The following CCSER1 variants were observed in gnomAD, a reference collection of about 807,000 sequenced individuals.
CCSER1 encodes serine-rich coiled-coil domain-containing protein 1.
CCSER1 carries 41 observed loss-of-function variants against 82.0 expected under a neutral mutation model. The ratio of observed to expected loss-of-function variants is 0.50; its 90% CI spans 0.39 to 0.65. The LOEUF is 0.65. Ranked by LOEUF, CCSER1 falls within the 30% of genes least tolerant of loss-of-function variation. The pLI, the probability that CCSER1 is intolerant of heterozygous loss-of-function variation, is 0.00. For synonymous variants in CCSER1, 414 were observed against 383.9 expected (o/e 1.08, Z -0.92); for missense variants, 1,119 against 1,064.2 (o/e 1.05, Z -0.72).
At chr4:90,184,915 G>A (rs1045933487) in intron 1 of CCSER1, among the ~76,000 whole-genome samples, 1 of 152,138 alleles carries the variant, frequency 6.6e-6, no homozygotes, top group African/African-American at 2.4e-5. Context: ...TACATAGTTG[G>A]ATACAAAAGA....
At chr4:90,399,165 A>C (rs554444531) in intron 3 of CCSER1, among the ~76,000 whole-genome samples, 2 of 152,202 alleles carry the variant, frequency 1.3e-5, no homozygotes, top group East Asian at 3.9e-4. Flanking sequence ...ACCCATTTAT[A>C]TATATACAAA....
At chr4:90,445,689 G>A (rs1307341778) in intron 4 of CCSER1, among the ~76,000 whole-genome samples, 3 of 152,086 alleles carry the variant, frequency 2.0e-5, no homozygotes, top group African/African-American at 7.2e-5. Flanking sequence ...CCTAGAAGAA[G>A]TTAAGAGAAG....
At chr4:91,509,144 G>A (rs1578654408) in intron 10 of CCSER1, among the ~76,000 whole-genome samples, 1 of 151,406 alleles carries the variant, frequency 6.6e-6, no homozygotes, top group East Asian at 1.9e-4. Flanking sequence ...TTTGGGTTTA[G>A]TTTTATGTTC....
chr4:91,098,048 A>G (rs1234711197), intron 10 of CCSER1, among the ~76,000 whole-genome samples: 1 of 152,154 alleles, frequency 6.6e-6, no homozygotes, highest in Non-Finnish European at 1.5e-5. Context: ...AAAAAGGCAG[A>G]TTGAAAATCA....
chr4:90,744,929 T>C (rs1368362741), intron 7 of CCSER1, among the ~76,000 whole-genome samples: 2 of 150,390 alleles, frequency 1.3e-5, no homozygotes, highest in Non-Finnish European at 2.9e-5. Context: ...ATCGTAAATA[T>C]GTACTAAAAA....
chr4:90,859,448 T>C (rs1764819518), intron 8 of CCSER1, among the ~76,000 whole-genome samples: 1 of 151,842 alleles, frequency 6.6e-6, no homozygotes. Context: ...AGCTTTATGA[T>C]TCATAAACAC....
At chr4:90,959,966 G>T (rs76500205) in intron 9 of CCSER1, among the ~76,000 whole-genome samples, 8,478 of 152,046 alleles carry the variant, frequency 0.056, 312 homozygotes, top group South Asian at 0.16. Flanking sequence ...TATGCCTTTT[G>T]CTTTGACATT....
rs188546508 is a variant in CCSER1 at position 91,150,615 on chromosome 4, G to T, written c.2217+64621G>T. 2.0e-5 allele frequency among the ~76,000 whole-genome samples: 3 copies of T among 152,148 alleles called. No individual in the cohort carries two copies. The East Asian group carries it at 5.8e-4, about 29-fold the overall frequency. ...CCCATTCAGTATGTTACTGGCTGTGGGTTTGTCATAAAATAGCTCTTATTA... is the reference window on the plus strand; with the variant it reads ...CCCATTCAGTATGTTACTGGCTGTGTGTTTGTCATAAAATAGCTCTTATTA... On this transcript the variant is annotated intron_variant, in intron 10 of 10. Transcript: ENST00000509176.
chr4:90,796,923 G>A (rs932779560), intron 7 of CCSER1, among the ~76,000 whole-genome samples: 3 of 152,152 alleles, frequency 2.0e-5, no homozygotes, highest in African/African-American at 7.2e-5. Context: ...ATCAATTTTA[G>A]AGTATGTGCC....
chr4:90,821,421 A>C (rs1211202133), intron 8 of CCSER1, among the ~76,000 whole-genome samples: 1 of 152,190 alleles, frequency 6.6e-6, no homozygotes, highest in Non-Finnish European at 1.5e-5. Flanking sequence ...AACGTTCAGA[A>C]TCAAAAATAA....
chr4:91,225,657 A>T (rs181836086), intron 10 of CCSER1, among the ~76,000 whole-genome samples: 2 of 151,766 alleles, frequency 1.3e-5, no homozygotes, highest in Admixed American at 1.3e-4. Context: ...CTGTTTCTCT[A>T]TGCCATTGAC....
At chr4:91,237,188 C>G (rs1739076550) in intron 10 of CCSER1, among the ~76,000 whole-genome samples, 1 of 150,222 alleles carries the variant, frequency 6.7e-6, no homozygotes, top group Admixed American at 6.6e-5. Flanking sequence ...TCTTTCCTGA[C>G]TATTTTTATA....
At chr4:90,613,919 A>G (rs17017282) in intron 5 of CCSER1, among the ~76,000 whole-genome samples, 6,351 of 152,266 alleles carry the variant, frequency 0.042, 435 homozygotes, top group African/African-American at 0.14. Flanking sequence ...CCATTGGATC[A>G]CAGATACTCA....
chr4:90,378,366 G>A (rs1748691683), intron 3 of CCSER1, among the ~76,000 whole-genome samples: 1 of 152,126 alleles, frequency 6.6e-6, no homozygotes, highest in African/African-American at 2.4e-5. Flanking sequence ...TGTTTCTATT[G>A]CACAGAGAAA....
At chr4:91,255,604 G>C (rs2149156408) in intron 10 of CCSER1, among the ~76,000 whole-genome samples, 1 of 152,270 alleles carries the variant, frequency 6.6e-6, no homozygotes, top group Non-Finnish European at 1.5e-5. Context: ...CAGGAAGTCA[G>C]GGACACCGAA....
intron 5 of CCSER1, among the ~76,000 whole-genome samples, chr4:90,605,425 C>T (rs901473447): frequency 4.6e-5 from 7 of 152,152 alleles, no homozygotes; most frequent in Admixed American, 3.9e-4. Flanking sequence ...CTTAAAGTCA[C>T]GTATTAAATC....
At position 91,434,256 on chromosome 4, in the gene CCSER1, A is replaced by T. The variant is rs576128383; in HGVS notation, c.2218-164316A>T. Among the ~76,000 whole-genome samples, 17 of 152,218 alleles carry T rather than the reference A, an allele frequency of 1.1e-4. No homozygotes were observed. The East Asian group carries it at 3.3e-3, about 29-fold the overall frequency. ...TTTTTGGTAGTAGGGGAATGTTAAA[A>T]TAGGGGTACTTAATTTAGGAATATC... is the stretch of plus-strand genomic sequence containing the variant. On this transcript the variant is annotated intron_variant, in intron 10 of 10. Transcript: ENST00000509176.
chr4:90,789,650 A>T (rs1754972233), intron 7 of CCSER1, among the ~76,000 whole-genome samples: 1 of 152,186 alleles, frequency 6.6e-6, no homozygotes, highest in Non-Finnish European at 1.5e-5. Context: ...ATAGTGAATA[A>T]GTCTCATGAA....
intron 5 of CCSER1, among the ~76,000 whole-genome samples, chr4:90,509,258 C>A (rs890086314): frequency 2.6e-5 from 4 of 152,034 alleles, no homozygotes; most frequent in Admixed American, 1.3e-4. Context: ...CTTCACACTT[C>A]CTTTTTAGAA....
Sources: allele counts gnomAD v4.1 joint callset (sites outside exome capture counted in the v4.1 genomes callset), GRCh38; gene constraint gnomAD v4.1.1; transcripts MANE v1.5; gene names NCBI Gene and HGNC (gene_info 2026-07-23, HGNC 2026-07-21).